The following PCSK5 variants were observed in gnomAD, a reference collection of about 807,000 sequenced individuals.
PCSK5 encodes prohormone convertase 5.
In PCSK5, 129 loss-of-function variants were observed where a neutral mutation model predicts 233.2. The observed-to-expected ratio is 0.55, with a 90% CI of 0.48 to 0.64. The LOEUF is 0.64. PCSK5 is among the 30% of genes least tolerant of loss of function. The probability of loss-of-function intolerance (pLI) is 0.00; values close to 1 mark genes in which losing one functional copy is unlikely to be tolerated. For synonymous variants in PCSK5, 825 were observed against 879.2 expected, an observed-to-expected ratio of 0.94 and a Z score of 1.09; for missense variants, 2,076 against 2,430.1, an observed-to-expected ratio of 0.85 and a Z score of 3.06.
At chr9:75,978,019 G>A (rs796851081) in intron 2 of PCSK5, among the ~76,000 whole-genome samples, 8 of 152,296 alleles carry the variant, frequency 5.3e-5, no homozygotes, top group African/African-American at 1.9e-4. Context: ...TTTACATGTT[G>A]TTCATTGCTA....
In PCSK5 at chr9:76,095,953, C is replaced by T; in HGVS notation, c.958C>T (p.His320Tyr). ...TGGAAATGGTGGAAGGAGCAAAGAC[C>T]ACTGCTCCTGTGATGGCTACACCAA... Reference protein sequence around the residue: ...ASGNGGRSKDHCSCDGYTNSI... With the variant: ...ASGNGGRSKDYCSCDGYTNSI... The change falls in exon 8 of 38, where the codon CAC (histidine) becomes TAC (tyrosine). Residue 320 changes from histidine to tyrosine, a missense_variant. His to Tyr is a moderately conservative substitution (Grantham distance 83). Transcript: ENST00000674117. The T allele has an allele frequency of 6.2e-7, 1 of 1,614,094 alleles. No homozygotes were observed. Among genetic ancestry groups the T allele is most frequent in the Non-Finnish European group, 8.5e-7 (1 of 1,180,024 alleles).
intron 2 of PCSK5, among the ~76,000 whole-genome samples, chr9:75,969,073 A>G (rs894715022): frequency 2.0e-5 from 3 of 152,162 alleles, no homozygotes; most frequent in African/African-American, 7.2e-5. Flanking sequence ...ACAGCTGAGG[A>G]TGGTTCTCGT....
intron 2 of PCSK5, among the ~76,000 whole-genome samples, chr9:75,971,555 G>C (rs1428026685): frequency 6.6e-6 from 1 of 152,122 alleles, no homozygotes; most frequent in Non-Finnish European, 1.5e-5. Flanking sequence ...CACCAACACT[G>C]CAAAAGTGTT....
chr9:76,289,469 C>CCACA (rs201456283), intron 24 of PCSK5, among the ~76,000 whole-genome samples: 3,277 of 129,864 alleles, frequency 0.025, 139 homozygotes, highest in African/African-American at 0.089. Flanking sequence ...ATTCCCCTCA[C>CCACA]CACACACACA....
At chr9:76,184,256 A>C (rs1421628006) in intron 16 of PCSK5, among the ~76,000 whole-genome samples, 1 of 152,190 alleles carries the variant, frequency 6.6e-6, no homozygotes, top group African/African-American at 2.4e-5. Context: ...ATGGGGGTCT[A>C]CATTCCCATT....
chr9:75,947,670 C>G (rs546122389), intron 2 of PCSK5, among the ~76,000 whole-genome samples: 1 of 152,162 alleles, frequency 6.6e-6, no homozygotes, highest in Non-Finnish European at 1.5e-5. Flanking sequence ...CAGACTTACT[C>G]CTGGCAGTCA....
intron 20 of PCSK5, among the ~76,000 whole-genome samples, chr9:76,207,562 G>T (rs1825168791): frequency 6.6e-6 from 1 of 151,994 alleles, no homozygotes; most frequent in Admixed American, 6.6e-5. Context: ...ATAATATAAG[G>T]GTATATAAGG....
At chr9:76,319,676 A>G (rs1829137217) in intron 30 of PCSK5, among the ~76,000 whole-genome samples, 1 of 152,078 alleles carries the variant, frequency 6.6e-6, no homozygotes. Context: ...ACTCTGCTCC[A>G]CCAGCTTCTT....
intron 33 of PCSK5, among the ~76,000 whole-genome samples, chr9:76,330,179 C>T (rs901398741): frequency 3.3e-5 from 5 of 152,034 alleles, no homozygotes; most frequent in African/African-American, 1.2e-4. Flanking sequence ...TTAAGAAATC[C>T]CTCTTGAGCA....
intron 3 of PCSK5, among the ~76,000 whole-genome samples, chr9:75,987,425 G>A (rs929786218): frequency 7.2e-5 from 11 of 152,088 alleles, no homozygotes; most frequent in East Asian, 5.8e-4. Flanking sequence ...GTGGGGGGGC[G>A]GGTCTCTTGA....
chr9:76,243,853 C>G (rs569589140), intron 24 of PCSK5, among the ~76,000 whole-genome samples: 72 of 152,298 alleles, frequency 4.7e-4, no homozygotes, highest in African/African-American at 1.7e-3. Context: ...TACCCAGGGT[C>G]TTAGATTTGC....
At chr9:76,332,386 A>G (rs1359879714) in intron 33 of PCSK5, 47 bp from the exon 34 acceptor site, 2 of 1,456,520 alleles carry the variant, frequency 1.4e-6, no homozygotes, top group East Asian at 4.6e-5. Flanking sequence ...CAGGGGAGAC[A>G]TGTGTCATGC....
chr9:76,349,376 A>G (rs1830063173), intron 35 of PCSK5, among the ~76,000 whole-genome samples: 2 of 152,186 alleles, frequency 1.3e-5, no homozygotes. Flanking sequence ...AGACCACAAT[A>G]ACGTTCCAGA....
chr9:76,258,760 G>A (rs147342391), intron 24 of PCSK5, among the ~76,000 whole-genome samples: 1 of 152,148 alleles, frequency 6.6e-6, no homozygotes, highest in African/African-American at 2.4e-5. Context: ...TTTTACAAAT[G>A]GGAAGTTTGA....
intron 5 of PCSK5, among the ~76,000 whole-genome samples, chr9:76,046,803 G>A (rs562362312): frequency 4.0e-5 from 6 of 151,496 alleles, no homozygotes; most frequent in South Asian, 2.1e-4. Context: ...TTCATGATCC[G>A]CCCGCCTCGG....
At chr9:76,274,045 A>G (rs1313457616) in intron 24 of PCSK5, among the ~76,000 whole-genome samples, 2 of 151,158 alleles carry the variant, frequency 1.3e-5, no homozygotes, top group African/African-American at 4.9e-5. Context: ...TCTCTCAGTT[A>G]TCTCTTCGGA....
intron 2 of PCSK5, 127 bp downstream of exon 2, chr9:75,932,610 G>A (rs956829875): frequency 3.1e-6 from 2 of 648,874 alleles, no homozygotes; most frequent in South Asian, 1.9e-5. Context: ...TTATCCTTTG[G>A]TCTAGTGTCT....
intron 2 of PCSK5, among the ~76,000 whole-genome samples, chr9:75,972,136 A>G (rs1319271880): frequency 1.3e-5 from 2 of 152,202 alleles, no homozygotes; most frequent in African/African-American, 2.4e-5. Flanking sequence ...TAAATAGGGA[A>G]TCCTTTCCCC....
At chr9:76,158,258 T>A (rs533125364) in intron 11 of PCSK5, among the ~76,000 whole-genome samples, 1 of 152,174 alleles carries the variant, frequency 6.6e-6, no homozygotes, top group Non-Finnish European at 1.5e-5. Flanking sequence ...TGTGGCTCGA[T>A]GAAGGTCTCA....
Sources: allele counts gnomAD v4.1 joint callset (sites outside exome capture counted in the v4.1 genomes callset), GRCh38; gene constraint gnomAD v4.1.1; transcripts MANE v1.5; gene names NCBI Gene and HGNC (gene_info 2026-07-23, HGNC 2026-07-21).